The following MAPRE3 variants were observed in gnomAD, a reference collection of about 807,000 sequenced individuals.
MAPRE3 encodes microtubule associated protein RP/EB family member 3.
MAPRE3 carries 2 observed loss-of-function variants against 30.5 expected under a neutral mutation model. The ratio of observed to expected loss-of-function variants is 0.07; its 90% CI spans 0.03 to 0.21. The LOEUF (loss-of-function observed/expected upper bound fraction) is 0.21, where lower values mean the gene tolerates loss of function less well. MAPRE3 is among the 10% of genes least tolerant of loss of function. The pLI, the probability that MAPRE3 is intolerant of heterozygous loss-of-function variation, is 1.00. For synonymous variants in MAPRE3, 110 were observed against 127.7 expected, an observed-to-expected ratio of 0.86 and a Z score of 0.93; for missense variants, 204 against 351.8, an observed-to-expected ratio of 0.58 and a Z score of 3.36.
intron 1 of MAPRE3, among the ~76,000 whole-genome samples, chr2:27,008,578 C>CA (rs1558381916): frequency 6.6e-6 from 1 of 152,108 alleles, no homozygotes. Context: ...ATTCTAGGAA[C>CA]AGTCAGTCCA....
chr2:26,999,138 G>A (rs1666529325), intron 1 of MAPRE3, among the ~76,000 whole-genome samples: 2 of 152,178 alleles, frequency 1.3e-5, no homozygotes, highest in African/African-American at 4.8e-5. Context: ...TCAGAGAAAG[G>A]GTTTGGGGAA....
At position 27,026,006 on chromosome 2, in the gene MAPRE3, A is replaced by G; in HGVS notation, c.751A>G (p.Ile251Val). ...TGAAAACAGCCCTGTTATCTCAGGCATCATTGGCATCCTCTATGCCACAGA... is the reference window on the plus strand; with the variant it reads ...TGAAAACAGCCCTGTTATCTCAGGCGTCATTGGCATCCTCTATGCCACAGA... ...ESENSPVISG[I>V]IGILYATEEG... Residue 251 changes from isoleucine (I) to valine (V), a missense_variant, in exon 6 of 7, where the codon ATC becomes GTC. Around this residue, in one of 5 missense-constraint regions of MAPRE3, gnomAD observed 3 missense variants for 18.9 expected, o/e 0.16. Transcript: ENST00000233121. The G allele has an allele frequency of 3.7e-6, 6 of 1,614,234 alleles. No individual in the cohort carries two copies. Among genetic ancestry groups the G allele is most frequent in the Non-Finnish European group, 5.1e-6 (6 of 1,180,044 alleles).
At chr2:26,974,071 A>G (rs921013732) in intron 1 of MAPRE3, among the ~76,000 whole-genome samples, 3 of 152,224 alleles carry the variant, frequency 2.0e-5, no homozygotes, top group Admixed American at 6.5e-5. Flanking sequence ...GAACGTATGT[A>G]AAAACACTTT....
intron 1 of MAPRE3, among the ~76,000 whole-genome samples, chr2:27,001,770 A>G (rs577985188): frequency 6.6e-6 from 1 of 152,384 alleles, no homozygotes; most frequent in East Asian, 1.9e-4. Context: ...AATCTTATGG[A>G]ACCACTGTCG....
intron 1 of MAPRE3, among the ~76,000 whole-genome samples, chr2:26,975,972 T>G (rs1003439321): frequency 3.9e-5 from 6 of 152,024 alleles, no homozygotes; most frequent in African/African-American, 1.5e-4. Flanking sequence ...TTGAGAATAG[T>G]CCCCTCCATC....
At chr2:27,019,138 AC>A (rs1367524285) in intron 1 of MAPRE3, among the ~76,000 whole-genome samples, 1 of 151,448 alleles carries the variant, frequency 6.6e-6, no homozygotes, top group Non-Finnish European at 1.5e-5. Flanking sequence ...GGTGATCGGC[AC>A]CCCCCTCAGC....
intron 1 of MAPRE3, among the ~76,000 whole-genome samples, chr2:27,021,774 A>G (rs1667114752): frequency 6.6e-6 from 1 of 152,208 alleles, no homozygotes; most frequent in Admixed American, 6.5e-5. Context: ...CCTGTGGCTG[A>G]AATGCCTTCC....
chr2:27,024,015 G>A, intron 3 of MAPRE3, 81 bp from the exon 4 acceptor site: 2 of 1,129,656 alleles, frequency 1.8e-6, no homozygotes, highest in Non-Finnish European at 1.3e-6. Flanking sequence ...TGGCTTTCCT[G>A]AGAGCAGTGG....
At chr2:27,014,139 G>A (rs929276658) in intron 1 of MAPRE3, 5 of 152,170 alleles carry the variant, frequency 3.3e-5, no homozygotes, top group Non-Finnish European at 5.9e-5. Context: ...AGCAAAGAAC[G>A]TTTAGAAAGA....
intron 1 of MAPRE3, among the ~76,000 whole-genome samples, chr2:26,994,474 T>G (rs2148207939): frequency 6.6e-6 from 1 of 152,366 alleles, no homozygotes; most frequent in South Asian, 2.1e-4. Context: ...CAATTCCAGC[T>G]AAGCAGAGTG....
intron 6 of MAPRE3, 112 bp from the exon 7 acceptor site, chr2:27,026,166 CCA>C (rs2148231539): frequency 7.2e-7 from 1 of 1,382,564 alleles, no homozygotes; most frequent in African/African-American, 1.4e-5. Context: ...CCAGGGTCAC[CCA>C]TTAGCAGGGC....
chr2:26,995,825 G>GTGTGTGTGTA lies in MAPRE3; in HGVS notation c.-8+25028_-8+25029insGTGTATGTGT, dbSNP rs1473997599. On this transcript the variant is annotated intron_variant, in intron 1 of 6. Transcript: ENST00000233121. ...TGTGTGTGTGTGTGTGTGTGTGTGT[G>GTGTGTGTGTA]TGTGTATGTGTGTGTGTTTTGGAAA... Among the ~76,000 whole-genome samples, 265 of 149,250 alleles carry GTGTGTGTGTA rather than the reference G, an allele frequency of 1.8e-3. 1 individual carries two copies. The highest frequency in any genetic ancestry group is 0.016 in the East Asian group (77 of 4,778).
chr2:27,026,334 C>G lies in MAPRE3; in HGVS notation c.832C>G (p.Gln278Glu). The G allele has an allele frequency of 6.2e-7, 1 of 1,613,994 alleles. No individual in the cohort carries two copies. The highest frequency in any genetic ancestry group is 2.2e-5 in the East Asian group (1 of 44,888). ...GATTGAAGAGCATCAACAAGAAGACCAGGACGAGTACTGAGGGCGGCCGCA... is the reference window on the plus strand; with the variant it reads ...GATTGAAGAGCATCAACAAGAAGACGAGGACGAGTACTGAGGGCGGCCGCA... ...DEIEEHQQED[Q>E]DEY Residue 278 changes from glutamine (Q) to glutamate (E), a missense_variant, in exon 7 of 7, where the codon CAG becomes GAG. Physicochemically the swap from Gln to Glu is conservative, Grantham distance 29. Transcript: ENST00000233121.
At chr2:26,981,911 G>T (rs1666121158) in intron 1 of MAPRE3, among the ~76,000 whole-genome samples, 1 of 152,156 alleles carries the variant, frequency 6.6e-6, no homozygotes, top group Admixed American at 6.5e-5. Context: ...AACTCTCTGA[G>T]CAGATCCCTA....
chr2:26,976,554 C>T (rs1007342120), intron 1 of MAPRE3, among the ~76,000 whole-genome samples: 2 of 152,224 alleles, frequency 1.3e-5, no homozygotes, highest in Non-Finnish European at 2.9e-5. Context: ...AGATCTTGCA[C>T]TCACTAGCAC....
chr2:26,971,219 C>A (rs929346725), intron 1 of MAPRE3, among the ~76,000 whole-genome samples: 1 of 152,194 alleles, frequency 6.6e-6, no homozygotes, highest in Non-Finnish European at 1.5e-5. Context: ...CAGTGATGTG[C>A]CAGAAAAAGA....
chr2:26,978,527 A>G (rs1409384196), intron 1 of MAPRE3, among the ~76,000 whole-genome samples: 14 of 152,166 alleles, frequency 9.2e-5, no homozygotes, highest in Non-Finnish European at 1.5e-5. Flanking sequence ...CTTAGAGCTC[A>G]TAGCTGAAAG....
chr2:27,024,330 G>GGGGCC (rs1667183637), intron 4 of MAPRE3, 33 bp downstream of exon 4: 1 of 1,600,450 alleles, frequency 6.2e-7, no homozygotes, highest in Admixed American at 1.7e-5. Flanking sequence ...GGGAGCGTGG[G>GGGGCC]GGGCCGGGCC....
chr2:26,996,663 G>A (rs1572754098), intron 1 of MAPRE3, among the ~76,000 whole-genome samples: 1 of 152,106 alleles, frequency 6.6e-6, no homozygotes, highest in Non-Finnish European at 1.5e-5. Flanking sequence ...CGTGGTGGGC[G>A]CCTGTAGTCC....
Sources: allele counts gnomAD v4.1 joint callset (sites outside exome capture counted in the v4.1 genomes callset), GRCh38; gene constraint gnomAD v4.1.1; regional missense constraint gnomAD v4.1.1; transcripts MANE v1.5; gene names NCBI Gene and HGNC (gene_info 2026-07-23, HGNC 2026-07-21).